The following SF3B3 variants were observed in gnomAD, a reference collection of about 807,000 sequenced individuals.
SF3B3 encodes splicing factor 3b subunit 3, also known as SAP 130.
A neutral mutation model predicts 139.2 loss-of-function variants in SF3B3; 33 were observed. The observed-to-expected ratio is 0.24, with a 90% CI of 0.18 to 0.32. SF3B3 has a LOEUF of 0.32. SF3B3 is among the 10% of genes least tolerant of loss of function. The pLI, the probability that SF3B3 is intolerant of heterozygous loss-of-function variation, is 1.00. For synonymous variants in SF3B3, 596 were observed against 563.6 expected (o/e 1.06, Z -0.81); for missense variants, 818 against 1,509.4 (o/e 0.54, Z 7.59).
chr16:70,546,691 T>C (rs1250377961), intron 10 of SF3B3, among the ~76,000 whole-genome samples: 2 of 151,610 alleles, frequency 1.3e-5, no homozygotes, highest in Non-Finnish European at 2.9e-5. Context: ...TTTTGTATAG[T>C]GTAAGAGATA....
intron 6 of SF3B3, chr16:70,537,947 C>T (rs2050183678): frequency 6.0e-6 from 3 of 497,280 alleles, no homozygotes; most frequent in South Asian, 4.4e-5. Flanking sequence ...AAGGAGGTGC[C>T]TTTTAGGAAT....
intron 17 of SF3B3, among the ~76,000 whole-genome samples, chr16:70,563,131 CTT>C (rs11338540): frequency 1.3e-5 from 2 of 151,568 alleles, no homozygotes; most frequent in African/African-American, 4.9e-5. Context: ...CCATACATGG[CTT>C]TTTTTTTGGT....
Position 70,554,676 on chromosome 16 carries a change from A to G in SF3B3, c.1554+79A>G, listed in dbSNP as rs996936928. ...CATTGTGATGCAGGCTGCTGTGTTC[A>G]TGTCTCTTCACCCTCACCTTCCAGC... On this transcript the variant is annotated intron_variant, in intron 12 of 25. Coordinates refer to ENST00000302516, the MANE Select transcript of SF3B3 (RefSeq NM_012426.5). 1.7e-5 allele frequency: 24 copies of G among 1,437,198 alleles called. No homozygotes were observed. The African/African-American group carries it at 1.8e-4, about 11-fold the overall frequency. The allele number at this position is 1,437,198 out of a possible 1,614,324, so 89.0% of individuals were successfully genotyped here. A position where few individuals can be genotyped will look rare whatever the true frequency, so the allele number is the denominator to read the frequency against.
In SF3B3 at chr16:70,568,315, T is replaced by G. The variant is rs758669497; in HGVS notation, c.2985T>G (p.Thr995=). The change falls in exon 22 of 26, where the codon ACT becomes ACG. Residue 995 remains threonine (T), a synonymous_variant. Transcript: ENST00000302516. ...CCAATTATATCTCTGGGATCCAGAC[T>G]ATCGGACATAGGGTAATTGTATCTG... ...HIANYISGIQ[T]IGHRVIVSDV... 5 of 1,613,188 alleles carry G rather than the reference T, an allele frequency of 3.1e-6. No individual in the cohort carries two copies. The East Asian group carries it at 1.1e-4, about 36-fold the overall frequency.
In SF3B3 at chr16:70,544,527, A is replaced by G; in HGVS notation, c.1323A>G (p.Gly441=). The change falls in exon 10 of 26, where the codon GGA becomes GGG. Residue 441 remains glycine, a synonymous_variant. Coordinates refer to ENST00000302516, the MANE Select transcript of SF3B3 (RefSeq NM_012426.5). Reference sequence around the variant, plus strand: ...CATCTCTGAGAGTCCTAAGACATGGACTTGAGGTAAGGTTGCAATTTCTAG... The same window carrying G: ...CATCTCTGAGAGTCCTAAGACATGGGCTTGAGGTAAGGTTGCAATTTCTAG... ...PRSSLRVLRH[G]LEVSEMAVSE... The G allele has an allele frequency of 6.3e-7, 1 of 1,596,788 alleles. No individual in the cohort carries two copies. Among genetic ancestry groups the G allele is most frequent in the Non-Finnish European group, 8.6e-7 (1 of 1,164,316 alleles).
At chr16:70,569,180 A>C in intron 23 of SF3B3, 39 bp downstream of exon 23, 6 of 1,427,092 alleles carry the variant, frequency 4.2e-6, no homozygotes, top group Non-Finnish European at 5.8e-6. Context: ...AACACTGCTT[A>C]GCACTTTTCC....
chr16:70,547,819 A>T (rs571724856), intron 10 of SF3B3, among the ~76,000 whole-genome samples: 5 of 152,046 alleles, frequency 3.3e-5, no homozygotes, highest in African/African-American at 1.2e-4. Flanking sequence ...TGAACTCCTG[A>T]CCTAAGGCAA....
Position 70,565,285 on chromosome 16 carries a change from A to T in SF3B3, c.2669+15A>T. 1 of 1,614,136 alleles carries T rather than the reference A, an allele frequency of 6.2e-7. No individual in the cohort carries two copies. The highest frequency in any genetic ancestry group is 8.5e-7 in the Non-Finnish European group (1 of 1,179,970). Reference sequence around the variant, plus strand: ...GCAGCTTTTAGGTAAGCAGCCCAGGACAGTCCAGGGTTTGGCAGGCTGGAA... The same window carrying T: ...GCAGCTTTTAGGTAAGCAGCCCAGGTCAGTCCAGGGTTTGGCAGGCTGGAA... On this transcript the variant is annotated intron_variant, in intron 19 of 25. Transcript: ENST00000302516.
Position 70,567,455 on chromosome 16 carries a change from G to A in SF3B3, c.2871G>A (p.Gly957=). ...CTGCTGCTATTGCCCCATTCCAGGGGAGGGTGTTGATTGGTGTGGGGAAGC... is the reference window on the plus strand; with the variant it reads ...CTGCTGCTATTGCCCCATTCCAGGGAAGGGTGTTGATTGGTGTGGGGAAGC... ...EVPAAIAPFQ[G]RVLIGVGKLL... The change falls in exon 21 of 26, where the codon GGG becomes GGA. Residue 957 remains glycine (G), a synonymous_variant. Coordinates refer to ENST00000302516, the MANE Select transcript of SF3B3 (RefSeq NM_012426.5). 6.2e-7 allele frequency: 1 copy of A among 1,614,120 alleles called. No homozygotes were observed. The highest frequency in any genetic ancestry group is 8.5e-7 in the Non-Finnish European group (1 of 1,179,980).
At chr16:70,525,962 AAAAAAAAAAAAAAAAAAAGG>A (rs1348762979) in intron 1 of SF3B3, among the ~76,000 whole-genome samples, 1 of 133,818 alleles carries the variant, frequency 7.5e-6, no homozygotes, top group Non-Finnish European at 1.7e-5. Context: ...CGCCTCAAAA[AAAAAAAAAAAAAAAAAAAGG>A]AAAAAAAAAA....
At chr16:70,565,665 C>G (rs2050468847) in intron 20 of SF3B3, 141 bp downstream of exon 20, 1 of 731,612 alleles carries the variant, frequency 1.4e-6, no homozygotes, top group Middle Eastern at 4.0e-4. Context: ...AATGCTGGGG[C>G]CTTCTAGCTG....
chr16:70,570,095 C>T lies in SF3B3; in HGVS notation c.3354C>T (p.Val1118=). The change falls in exon 24 of 26, where the codon GTC becomes GTT. Residue 1118 remains valine, a synonymous_variant. Transcript: ENST00000302516. The part of the protein sequence containing the change: ...TLIPGGSESL[V]YTTLSGGIGI... ...TCCCTGGAGGCTCAGAATCACTTGT[C>T]TATACCACCTTGTCTGGAGGAATTG... The T allele has an allele frequency of 1.2e-6, 2 of 1,614,118 alleles. No individual in the cohort carries two copies. Among genetic ancestry groups the T allele is most frequent in the Non-Finnish European group, 1.7e-6 (2 of 1,180,032 alleles).
chr16:70,548,813 T>A (rs1332015089), intron 11 of SF3B3, among the ~76,000 whole-genome samples: 1 of 152,218 alleles, frequency 6.6e-6, no homozygotes, highest in Non-Finnish European at 1.5e-5. Context: ...TCTTTTAAAT[T>A]GTTTTGAAAC....
intron 6 of SF3B3, chr16:70,538,115 C>T (rs776381454): frequency 2.8e-6 from 2 of 713,208 alleles, no homozygotes; most frequent in Non-Finnish European, 2.6e-6. Context: ...GGAATTGGGA[C>T]TCTTTTGGTT....
intron 15 of SF3B3, among the ~76,000 whole-genome samples, chr16:70,558,312 C>CG (rs1567421243): frequency 6.6e-6 from 1 of 150,836 alleles, no homozygotes; most frequent in African/African-American, 2.4e-5. Flanking sequence ...GATAGGGTCT[C>CG]GCTGTGTTGC....
chr16:70,550,616 C>A, intron 11 of SF3B3: 2 of 982,974 alleles, frequency 2.0e-6, no homozygotes, highest in Non-Finnish European at 2.4e-6. Context: ...GTGATGCACA[C>A]TACCAATACC....
Position 70,571,674 on chromosome 16 carries a change from A to T in SF3B3, c.3515A>T (p.Asn1172Ile). 1 of 1,607,568 alleles carries T rather than the reference A, an allele frequency of 6.2e-7. No individual in the cohort carries two copies. The highest frequency in any genetic ancestry group is 8.5e-7 in the Non-Finnish European group (1 of 1,178,404). ...CTTTCTGCTTTCTCCATATCTTAGAATGTGATTGATGGAGACCTCTGTGAG... is the reference window on the plus strand; with the variant it reads ...CTTTCTGCTTTCTCCATATCTTAGATTGTGATTGATGGAGACCTCTGTGAG... The part of the protein sequence containing the change: ...SFRSYYFPVK[N>I]VIDGDLCEQF... The change falls in exon 26 of 26, where the codon AAT becomes ATT. Residue 1172 changes from asparagine (N) to isoleucine (I), a missense_variant and splice_region_variant. Physicochemically the swap from Asn to Ile is moderately radical, Grantham distance 149 (BLOSUM62 -3). Around this residue, in one of 14 missense-constraint regions of SF3B3, gnomAD observed 44 missense variants for 40.4 expected, o/e 1.09. Coordinates refer to ENST00000302516, the MANE Select transcript of SF3B3 (RefSeq NM_012426.5).
intron 6 of SF3B3, among the ~76,000 whole-genome samples, chr16:70,536,768 A>T (rs1221778416): frequency 1.3e-5 from 2 of 150,228 alleles, no homozygotes; most frequent in African/African-American, 4.9e-5. Context: ...CTGGGGTTAC[A>T]GGCATGAAGT....
At chr16:70,530,680 C>A in intron 3 of SF3B3, 65 bp from the exon 4 acceptor site, 2 of 1,298,862 alleles carry the variant, frequency 1.5e-6, no homozygotes, top group Non-Finnish European at 2.2e-6. Context: ...GTGACTCTAG[C>A]TGTTCTATAA....
Sources: gnomAD v4.1 joint callset for allele counts (sites outside exome capture counted in the v4.1 genomes callset) on GRCh38, gnomAD v4.1.1 for gene constraint, gnomAD v4.1.1 regional missense constraint, MANE v1.5 for transcripts, NCBI Gene and HGNC (gene_info 2026-07-23, HGNC 2026-07-21) for gene names.